KDM2A: variants seen among roughly 807,000 people sequenced by gnomAD.
The protein encoded by KDM2A is lysine demethylase 2A.
In KDM2A, 3 loss-of-function variants were observed where a neutral mutation model predicts 137.3. That is an observed-to-expected ratio of 0.02 (90% CI 0.01 to 0.06). The LOEUF is 0.06. KDM2A is among the 10% of genes least tolerant of loss of function. The pLI is 1.00. For missense variants in KDM2A, 738 were observed against 1,510.6 expected (o/e 0.49, Z 8.48); for synonymous variants, 512 against 541.5 (o/e 0.95, Z 0.76).
chr11:67,213,788 C>CA (rs1858069509), intron 6 of KDM2A, among the ~76,000 whole-genome samples: 1 of 150,782 alleles, frequency 6.6e-6, no homozygotes, highest in Admixed American at 6.6e-5. Context: ...TCTGTATTCT[C>CA]ACATTATTTC....
intron 5 of KDM2A, among the ~76,000 whole-genome samples, chr11:67,190,252 A>T (rs1166821213): frequency 6.6e-6 from 1 of 152,130 alleles, no homozygotes; most frequent in Non-Finnish European, 1.5e-5. Flanking sequence ...TCTACTAAAA[A>T]TACATAAATT....
chr11:67,247,042 TA>T (rs1859246668), intron 15 of KDM2A, among the ~76,000 whole-genome samples: 2 of 21,172 alleles, frequency 9.4e-5, no homozygotes, highest in African/African-American at 3.6e-4. Flanking sequence ...TTATTTTATA[TA>T]TATATATATA....
chr11:67,158,410 G>A (rs1479121474), intron 2 of KDM2A, among the ~76,000 whole-genome samples: 1 of 152,164 alleles, frequency 6.6e-6, no homozygotes, highest in Non-Finnish European at 1.5e-5. Context: ...TTTTTGTGTG[G>A]ACATGAGTTT....
At chr11:67,172,673 A>G (rs1195301400) in intron 2 of KDM2A, among the ~76,000 whole-genome samples, 1 of 151,074 alleles carries the variant, frequency 6.6e-6, no homozygotes, top group Non-Finnish European at 1.5e-5. Context: ...TTTTCTGTGT[A>G]CAAGATCATG....
rs528117140 is a variant in KDM2A, at chr11:67,144,835, G to C, written c.42+23477G>C. On this transcript the variant is annotated intron_variant, in intron 2 of 20. Coordinates refer to ENST00000529006, the MANE Select transcript of KDM2A (RefSeq NM_012308.3). Reference sequence around the variant, plus strand: ...CCTGCTTCAGCCTCCCAAAGTGCTGGGATTATAGGTGTGAGCCATCGTGCC... The same window carrying C: ...CCTGCTTCAGCCTCCCAAAGTGCTGCGATTATAGGTGTGAGCCATCGTGCC... Among the ~76,000 whole-genome samples the C allele has an allele frequency of 4.2e-4, 63 of 151,256 alleles. 1 individual carries two copies. In the South Asian group the frequency reaches 0.012, roughly 29 times the overall value.
chr11:67,141,980 T>A (rs1856114877), intron 2 of KDM2A, among the ~76,000 whole-genome samples: 1 of 152,082 alleles, frequency 6.6e-6, no homozygotes, highest in African/African-American at 2.4e-5. Context: ...ATTCCATCCA[T>A]GTTCCGAAAA....
At chr11:67,251,139 A>G (rs758214841) in intron 17 of KDM2A, among the ~76,000 whole-genome samples, 4 of 152,188 alleles carry the variant, frequency 2.6e-5, no homozygotes, top group African/African-American at 9.7e-5. Context: ...AGCTGAACTC[A>G]TCACATGTTG....
At chr11:67,227,953 TG>T in intron 10 of KDM2A, 83 bp from the exon 11 acceptor site, 1 of 1,396,760 alleles carries the variant, frequency 7.2e-7, no homozygotes, top group Non-Finnish European at 1.0e-6. Context: ...GAGTATTTCC[TG>T]GGTTAATGAT....
At chr11:67,130,695 C>G (rs1232603523) in intron 2 of KDM2A, among the ~76,000 whole-genome samples, 8 of 152,220 alleles carry the variant, frequency 5.3e-5, no homozygotes, top group Non-Finnish European at 7.3e-5. Context: ...GTTTATCTCA[C>G]TTTTGGAATA....
chr11:67,203,025 C>A (rs565434245), intron 5 of KDM2A, among the ~76,000 whole-genome samples: 3 of 149,966 alleles, frequency 2.0e-5, no homozygotes, highest in Admixed American at 1.3e-4. Flanking sequence ...AAAAGAAAAA[C>A]GGTTTACACT....
intron 12 of KDM2A, among the ~76,000 whole-genome samples, chr11:67,236,776 A>T (rs1858883697): frequency 6.6e-6 from 1 of 152,214 alleles, no homozygotes; most frequent in African/African-American, 2.4e-5. Flanking sequence ...GCCAGAAAAA[A>T]GTTAGATGTT....
chr11:67,235,144 CAAAA>C (rs963893914), intron 12 of KDM2A, among the ~76,000 whole-genome samples: 2 of 63,708 alleles, frequency 3.1e-5, no homozygotes, highest in Admixed American at 2.0e-4. Flanking sequence ...GACTCCATCT[CAAAA>C]AAAAAAAAAA....
intron 5 of KDM2A, among the ~76,000 whole-genome samples, chr11:67,191,920 T>G (rs868455906): frequency 6.6e-6 from 1 of 152,172 alleles, no homozygotes; most frequent in South Asian, 2.1e-4. Flanking sequence ...TGATATGACT[T>G]TTTTATTTGT....
chr11:67,141,677 AAAAAAATAT>A (rs1288993158), intron 2 of KDM2A, among the ~76,000 whole-genome samples: 3 of 75,594 alleles, frequency 4.0e-5, no homozygotes, highest in East Asian at 3.6e-4. Context: ...AAAAAAAAAA[AAAAAAATAT>A]ATATATATAT....
intron 2 of KDM2A, among the ~76,000 whole-genome samples, chr11:67,151,187 C>G (rs1228615105): frequency 6.6e-6 from 1 of 152,050 alleles, no homozygotes; most frequent in Non-Finnish European, 1.5e-5. Flanking sequence ...GAATCACTCT[C>G]TTGGTGGCTG....
chr11:67,138,390 T>A (rs1269685962), intron 2 of KDM2A, among the ~76,000 whole-genome samples: 4 of 152,214 alleles, frequency 2.6e-5, no homozygotes, highest in Admixed American at 2.6e-4. Flanking sequence ...TATCTAGCTT[T>A]ATTTTATTCA....
chr11:67,140,115 C>T (rs748485649), intron 2 of KDM2A, among the ~76,000 whole-genome samples: 1 of 152,048 alleles, frequency 6.6e-6, no homozygotes, highest in Non-Finnish European at 1.5e-5. Flanking sequence ...AATCCCAACA[C>T]TTTGGGAGGC....
intron 12 of KDM2A, among the ~76,000 whole-genome samples, chr11:67,236,264 G>C (rs534637726): frequency 1.3e-4 from 20 of 152,200 alleles, no homozygotes; most frequent in African/African-American, 4.8e-4. Context: ...CTGAGTAGCT[G>C]GGATTATAGG....
At chr11:67,187,103 G>A (rs1254155758) in intron 5 of KDM2A, among the ~76,000 whole-genome samples, 1 of 152,010 alleles carries the variant, frequency 6.6e-6, no homozygotes, top group Non-Finnish European at 1.5e-5. Flanking sequence ...TTAACTTCAG[G>A]ATATTAGATG....
Sources: gnomAD v4.1 joint callset for allele counts (sites outside exome capture counted in the v4.1 genomes callset) on GRCh38, gnomAD v4.1.1 for gene constraint, MANE v1.5 for transcripts, NCBI Gene and HGNC (gene_info 2026-07-23, HGNC 2026-07-21) for gene names.